MAGI2: variants seen among roughly 807,000 people sequenced by gnomAD.
MAGI2 encodes membrane associated guanylate kinase, WW and PDZ domain containing 2.
In MAGI2, 35 loss-of-function variants were observed where a neutral mutation model predicts 133.3. That is an observed-to-expected ratio of 0.26 (90% CI 0.20 to 0.35). MAGI2 has a LOEUF of 0.35. MAGI2 is among the 10% of genes least tolerant of loss of function. MAGI2 has a pLI of 1.00. For synonymous variants in MAGI2, 729 were observed against 710.6 expected, an observed-to-expected ratio of 1.03 and a Z score of -0.41; for missense variants, 1,636 against 1,863.4, an observed-to-expected ratio of 0.88 and a Z score of 2.25.
chr7:79,053,090 A>C (rs910331383), intron 1 of MAGI2, among the ~76,000 whole-genome samples: 2 of 152,010 alleles, frequency 1.3e-5, no homozygotes, highest in Non-Finnish European at 2.9e-5. Context: ...CTCCTGCCTC[A>C]GCCTCCCGAG....
At chr7:79,013,116 T>C (rs1480360395) in intron 1 of MAGI2, among the ~76,000 whole-genome samples, 1 of 152,178 alleles carries the variant, frequency 6.6e-6, no homozygotes, top group Non-Finnish European at 1.5e-5. Context: ...TAGGTCTAAA[T>C]TTTATGCTTC....
At chr7:78,691,124 T>C (rs2151122041) in intron 2 of MAGI2, among the ~76,000 whole-genome samples, 1 of 152,336 alleles carries the variant, frequency 6.6e-6, no homozygotes, top group African/African-American at 2.4e-5. Flanking sequence ...CTGCCTAGAA[T>C]ACTTTTTAAC....
At chr7:79,154,508 G>A (rs1446997675) in intron 1 of MAGI2, among the ~76,000 whole-genome samples, 2 of 152,134 alleles carry the variant, frequency 1.3e-5, no homozygotes, top group East Asian at 3.9e-4. Flanking sequence ...CAAATGCCAA[G>A]CCAATCCATA....
intron 6 of MAGI2, among the ~76,000 whole-genome samples, chr7:78,477,272 A>G (rs1169144955): frequency 6.6e-6 from 1 of 152,018 alleles, no homozygotes; most frequent in Middle Eastern, 3.2e-3. Context: ...TATGTGGACT[A>G]CAGTGAGCAT....
chr7:78,590,650 G>T (rs1384199933), intron 3 of MAGI2, among the ~76,000 whole-genome samples: 1 of 152,120 alleles, frequency 6.6e-6, no homozygotes, highest in Non-Finnish European at 1.5e-5. Flanking sequence ...TAGTCACGTG[G>T]GTTGTCACTG....
chr7:78,031,133 C>A (rs1809526889), intron 21 of MAGI2, among the ~76,000 whole-genome samples: 1 of 152,166 alleles, frequency 6.6e-6, no homozygotes, highest in Non-Finnish European at 1.5e-5. Context: ...CTGTGTGATT[C>A]CATCTGTATG....
chr7:78,558,142 G>A (rs917800121), intron 3 of MAGI2, among the ~76,000 whole-genome samples: 7 of 152,008 alleles, frequency 4.6e-5, no homozygotes, highest in African/African-American at 1.7e-4. Flanking sequence ...ATCAGAGTTG[G>A]CAATTATCTG....
At chr7:78,651,568 C>T (rs1811575762) in intron 2 of MAGI2, among the ~76,000 whole-genome samples, 1 of 152,014 alleles carries the variant, frequency 6.6e-6, no homozygotes, top group African/African-American at 2.4e-5. Flanking sequence ...CAGAAAATAA[C>T]TTCCAATAAT....
intron 1 of MAGI2, among the ~76,000 whole-genome samples, chr7:79,309,325 G>A (rs1267158833): frequency 3.3e-5 from 5 of 151,446 alleles, no homozygotes; most frequent in African/African-American, 4.8e-5. Context: ...AACTAGTTTA[G>A]AGATTTTGTT....
At chr7:78,095,553 G>C (rs1817619161) in intron 20 of MAGI2, among the ~76,000 whole-genome samples, 1 of 152,156 alleles carries the variant, frequency 6.6e-6, no homozygotes, top group African/African-American at 2.4e-5. Context: ...CAATGGCTCA[G>C]CTACTTTTAG....
rs868548445 is a variant in MAGI2 at position 78,700,228 on chromosome 7, T to C, written c.419-72989A>G. On this transcript the variant is annotated intron_variant, in intron 2 of 21. Transcript: ENST00000354212. ...TTCTATTACATTTGCCACTTAATGG[T>C]AGGAGATAGAGATTCTCCTCTTGAT... Among the ~76,000 whole-genome samples, 7 of 152,280 alleles carry C rather than the reference T, an allele frequency of 4.6e-5. 1 individual carries two copies. Among genetic ancestry groups the C allele is most frequent in the African/African-American group, 1.7e-4 (7 of 41,572 alleles).
intron 2 of MAGI2, among the ~76,000 whole-genome samples, chr7:78,679,742 C>G (rs941680590): frequency 2.0e-5 from 3 of 152,054 alleles, no homozygotes; most frequent in African/African-American, 7.2e-5. Context: ...GTCACGGAAC[C>G]ATTAACATCT....
chr7:78,103,360 C>A (rs533847057), intron 20 of MAGI2, among the ~76,000 whole-genome samples: 2 of 152,322 alleles, frequency 1.3e-5, no homozygotes, highest in Non-Finnish European at 2.9e-5. Flanking sequence ...TCTATACAGA[C>A]ATGAAGTATA....
intron 1 of MAGI2, among the ~76,000 whole-genome samples, chr7:79,032,526 A>C (rs1810701723): frequency 6.6e-6 from 1 of 151,910 alleles, no homozygotes; most frequent in South Asian, 2.1e-4. Flanking sequence ...TCAGAAAAAA[A>C]AAAAAAAAAG....
rs1043382054 is a variant in MAGI2 at position 78,131,603 on chromosome 7, TTTTG to T, written c.3203+1282_3203+1285del. Among the ~76,000 whole-genome samples the T allele has an allele frequency of 3.9e-5, 6 of 152,266 alleles. No individual in the cohort carries two copies. In the South Asian group the frequency reaches 6.2e-4, roughly 16 times the overall value. On this transcript the variant is annotated intron_variant, in intron 18 of 21. Transcript: ENST00000354212. ...GAGGTGTTTCTGTGAGTTGTTCTGT[TTTTG>T]TTTGTTTGTTTCCCACGGAAAGCGA...
chr7:78,154,061 A>T (rs1334127439), intron 16 of MAGI2, among the ~76,000 whole-genome samples: 1 of 152,146 alleles, frequency 6.6e-6, no homozygotes, highest in Non-Finnish European at 1.5e-5. Context: ...TTGGTGGGGG[A>T]AATCCTAACT....
At chr7:78,413,997 T>C (rs1798081402) in intron 6 of MAGI2, among the ~76,000 whole-genome samples, 1 of 152,032 alleles carries the variant, frequency 6.6e-6, no homozygotes, top group African/African-American at 2.4e-5. Context: ...TTTAAGTTAA[T>C]GGGAACATAT....
intron 2 of MAGI2, among the ~76,000 whole-genome samples, chr7:78,893,067 A>G (rs943020359): frequency 2.6e-5 from 4 of 152,204 alleles, no homozygotes; most frequent in South Asian, 2.1e-4. Context: ...AAAGTGGGCA[A>G]AGGATATGAA....
chr7:78,391,250 A>G (rs1475121722), intron 6 of MAGI2, among the ~76,000 whole-genome samples: 6 of 152,218 alleles, frequency 3.9e-5, no homozygotes, highest in Non-Finnish European at 8.8e-5. Flanking sequence ...CTTTGGTTAT[A>G]CAGAAAGATA....
Sources: gnomAD v4.1 joint callset for allele counts (sites outside exome capture counted in the v4.1 genomes callset) on GRCh38, gnomAD v4.1.1 for gene constraint, MANE v1.5 for transcripts, NCBI Gene and HGNC (gene_info 2026-07-23, HGNC 2026-07-21) for gene names.